SLC71A2: variants seen among roughly 807,000 people sequenced by gnomAD.
SLC71A2 encodes the protein solute carrier family 71 member 2.
At chr9:94,441,157 A>G in the SLC71A2 span, 2 of 936,894 alleles carry the variant, frequency 2.1e-6, no homozygotes, top group Non-Finnish European at 1.6e-6. Flanking sequence ...ATTGTATTAG[A>G]AATTTACTGG....
the SLC71A2 span, among the ~76,000 whole-genome samples, chr9:94,433,656 T>C: frequency 6.6e-6 from 1 of 152,016 alleles, no homozygotes; most frequent in Non-Finnish European, 1.5e-5. Context: ...AACAGAGAAC[T>C]ATGACTAAAG....
At chr9:94,376,433 C>T in the SLC71A2 span, among the ~76,000 whole-genome samples, 1 of 152,136 alleles carries the variant, frequency 6.6e-6, no homozygotes, top group East Asian at 1.9e-4. Flanking sequence ...CGTCAGTCCA[C>T]CTTGCACGTG....
chr9:94,457,379 T>C, the SLC71A2 span, among the ~76,000 whole-genome samples: 2 of 134,266 alleles, frequency 1.5e-5, no homozygotes. Context: ...AGAAAAATTT[T>C]TTAATGCCTA....
the SLC71A2 span, chr9:94,451,546 A>G: frequency 2.2e-5 from 30 of 1,386,770 alleles, no homozygotes; most frequent in Middle Eastern, 2.4e-4. Context: ...CATTTTATCT[A>G]TACTTAAAAA....
At chr9:94,430,424 T>G in the SLC71A2 span, among the ~76,000 whole-genome samples, 1 of 152,084 alleles carries the variant, frequency 6.6e-6, no homozygotes, top group South Asian at 2.1e-4. Context: ...GGTTTCACCA[T>G]GTTGGCCAGG....
the SLC71A2 span, among the ~76,000 whole-genome samples, chr9:94,403,294 G>A: frequency 2.6e-5 from 4 of 151,890 alleles, no homozygotes; most frequent in African/African-American, 9.7e-5. Flanking sequence ...CCGCCACCAC[G>A]CCTGGCTAAT....
At chr9:94,440,177 G>A in the SLC71A2 span, among the ~76,000 whole-genome samples, 251 of 150,800 alleles carry the variant, frequency 1.7e-3, no homozygotes, top group Non-Finnish European at 2.2e-4. Context: ...TTTTTGAGAC[G>A]GAGTCTCTCT....
At chr9:94,407,625 C>T in the SLC71A2 span, among the ~76,000 whole-genome samples, 1 of 152,134 alleles carries the variant, frequency 6.6e-6, no homozygotes, top group Non-Finnish European at 1.5e-5. Context: ...GATCCACCCG[C>T]CTCGGCCTCC....
At chr9:94,402,719 A>T in the SLC71A2 span, among the ~76,000 whole-genome samples, 2 of 152,294 alleles carry the variant, frequency 1.3e-5, no homozygotes, top group South Asian at 4.1e-4. Context: ...CACTATATCA[A>T]CTTTTTCTTG....
At chr9:94,448,775 G>A in the SLC71A2 span, among the ~76,000 whole-genome samples, 22 of 152,182 alleles carry the variant, frequency 1.4e-4, no homozygotes, top group Non-Finnish European at 2.9e-4. Flanking sequence ...TGGGATTATC[G>A]GTATGCACCA....
At chr9:94,441,154 T>C in the SLC71A2 span, 15 of 987,256 alleles carry the variant, frequency 1.5e-5, no homozygotes, top group Non-Finnish European at 2.2e-5. Flanking sequence ...AACATTGTAT[T>C]AGAAATTTAC....
chr9:94,418,538 T>C, the SLC71A2 span, among the ~76,000 whole-genome samples: 1 of 151,848 alleles, frequency 6.6e-6, no homozygotes, highest in Non-Finnish European at 1.5e-5. Context: ...CACCTCCTGG[T>C]TTCAGGCGAT....
the SLC71A2 span, among the ~76,000 whole-genome samples, chr9:94,396,866 G>A: frequency 1.3e-5 from 2 of 152,146 alleles, no homozygotes; most frequent in Admixed American, 1.3e-4. Flanking sequence ...TGCCTCCCGG[G>A]TTCAAGCAGT....
At chr9:94,456,390 C>CTAG in the SLC71A2 span, 1 of 1,443,284 alleles carries the variant, frequency 6.9e-7, no homozygotes, top group African/African-American at 1.4e-5. Context: ...GACCTCCCTG[C>CTAG]TAGAAGCAGG....
chr9:94,378,335 G>A, the SLC71A2 span, among the ~76,000 whole-genome samples: 3 of 152,174 alleles, frequency 2.0e-5, no homozygotes, highest in South Asian at 6.2e-4. Flanking sequence ...GTGTTGGGGA[G>A]GGAGCAAGAG....
the SLC71A2 span, chr9:94,451,321 G>A: frequency 2.2e-5 from 10 of 450,052 alleles, no homozygotes; most frequent in South Asian, 6.2e-4. Flanking sequence ...GGTTATATAG[G>A]TTCAGCTTTC....
chr9:94,452,310 G>T, the SLC71A2 span, among the ~76,000 whole-genome samples: 1 of 152,036 alleles, frequency 6.6e-6, no homozygotes, highest in African/African-American at 2.4e-5. Context: ...AACATATTCA[G>T]TGAGGGCCAG....
At chr9:94,429,763 G>A in the SLC71A2 span, among the ~76,000 whole-genome samples, 229 of 151,596 alleles carry the variant, frequency 1.5e-3, no homozygotes, top group African/African-American at 5.4e-3. Context: ...GAGAATACTC[G>A]CCAGCGGTGC....
At chr9:94,430,195 G>C in the SLC71A2 span, among the ~76,000 whole-genome samples, 1 of 148,266 alleles carries the variant, frequency 6.7e-6, no homozygotes, top group Non-Finnish European at 1.5e-5. Context: ...GAACCACCGC[G>C]CCTGACTGTT....
Sources: allele counts gnomAD v4.1 joint callset (sites outside exome capture counted in the v4.1 genomes callset), GRCh38; gene constraint gnomAD v4.1.1; transcripts MANE v1.5; gene names NCBI Gene and HGNC (gene_info 2026-07-23, HGNC 2026-07-21).